Variants in CHD6 observed in about 807,000 individuals in gnomAD.
CHD6 encodes ATP-dependent chromatin remodeler CHD6.
In CHD6, 50 loss-of-function variants were observed where a neutral mutation model predicts 276.9. That is an observed-to-expected ratio of 0.18 (90% confidence interval 0.14 to 0.23). The LOEUF (loss-of-function observed/expected upper bound fraction) is 0.23, where lower values mean the gene tolerates loss of function less well. CHD6 is among the 10% of genes least tolerant of loss of function. CHD6 has a pLI of 1.00. For missense variants in CHD6, 2,564 were observed against 3,365.8 expected (o/e 0.76, Z 5.89); for synonymous variants, 1,173 against 1,229.3 (o/e 0.95, Z 0.96).
intron 16 of CHD6, among the ~76,000 whole-genome samples, chr20:41,475,942 A>G (rs1294203606): frequency 6.6e-6 from 1 of 152,174 alleles, no homozygotes; most frequent in Non-Finnish European, 1.5e-5. Flanking sequence ...AACAAGATGA[A>G]TGGAATAATT....
intron 26 of CHD6, 127 bp downstream of exon 26, chr20:41,439,873 A>C (rs921280324): frequency 5.7e-6 from 5 of 884,940 alleles, no homozygotes; most frequent in Non-Finnish European, 8.7e-6. Flanking sequence ...AAACAGCGGC[A>C]GTGTGGCAAG....
chr20:41,603,823 C>G (rs944541090), intron 1 of CHD6, among the ~76,000 whole-genome samples: 1 of 152,152 alleles, frequency 6.6e-6, no homozygotes, highest in African/African-American at 2.4e-5. Context: ...GAGCCGAAAT[C>G]GTGCCACTGC....
rs138488193 is a variant in CHD6 at position 41,443,964 on chromosome 20, G to A, written c.3877+1701C>T. The stretch of plus-strand genomic sequence containing the variant: ...GTGGGGGAGGAAGAAGTAGCAGCAT[G>A]TAAATTCTACCTGCCATACTTCTGG... On this transcript the variant is annotated intron_variant, in intron 25 of 36. Transcript: ENST00000373233. Among the ~76,000 whole-genome samples the A allele has an allele frequency of 1.3e-3, 202 of 152,282 alleles. 1 individual carries two copies. The highest frequency in any genetic ancestry group is 4.7e-3 in the African/African-American group (197 of 41,558).
At chr20:41,529,891 C>T (rs931437693) in intron 3 of CHD6, among the ~76,000 whole-genome samples, 25 of 152,148 alleles carry the variant, frequency 1.6e-4, no homozygotes, top group African/African-American at 5.3e-4. Flanking sequence ...TGAGGGAATC[C>T]TATTTCCCTG....
intron 17 of CHD6, among the ~76,000 whole-genome samples, chr20:41,462,805 T>C (rs530172494): frequency 1.6e-3 from 242 of 152,366 alleles, no homozygotes; most frequent in African/African-American, 5.4e-3. Context: ...CATATGCATA[T>C]TTATAGTCTC....
intron 1 of CHD6, among the ~76,000 whole-genome samples, chr20:41,577,618 C>T (rs1244143761): frequency 1.3e-5 from 2 of 152,218 alleles, no homozygotes; most frequent in Non-Finnish European, 2.9e-5. Flanking sequence ...ACACACTACA[C>T]ATATGTGTAA....
chr20:41,501,406 G>A (rs2043826904), intron 5 of CHD6, among the ~76,000 whole-genome samples: 1 of 152,086 alleles, frequency 6.6e-6, no homozygotes, highest in East Asian at 1.9e-4. Flanking sequence ...AAAATCCTGT[G>A]CCCTCACTGT....
chr20:41,426,251 A>G, intron 27 of CHD6, 98 bp from the exon 28 acceptor site: 1 of 845,266 alleles, frequency 1.2e-6, no homozygotes, highest in East Asian at 2.4e-5. Flanking sequence ...CACGCATAAG[A>G]GCTGTCCCCT....
intron 11 of CHD6, 100 bp downstream of exon 11, chr20:41,491,598 G>C: frequency 7.5e-7 from 1 of 1,334,640 alleles, no homozygotes; most frequent in Non-Finnish European, 1.1e-6. Context: ...TGGCCATGCT[G>C]CTCCCTCTCA....
chr20:41,447,839 G>A, intron 24 of CHD6, 43 bp downstream of exon 24: 1 of 1,437,724 alleles, frequency 7.0e-7, no homozygotes, highest in South Asian at 1.2e-5. Flanking sequence ...GGCATTTTAT[G>A]TCAATTCTTT....
In CHD6 at chr20:41,560,053, G is replaced by A. The variant is rs369870253; in HGVS notation, c.-23-8693C>T. On this transcript the variant is annotated intron_variant, in intron 1 of 36. Coordinates refer to ENST00000373233, the MANE Select transcript of CHD6 (RefSeq NM_032221.5). ...CCTTGGTTCCTCTCCAGTCGACTCC[G>A]GTTTATTCCCATATATTTTTGTTGT... 1.5e-3 allele frequency among the ~76,000 whole-genome samples: 223 copies of A among 151,964 alleles called. 2 individuals are homozygous for A. The highest frequency in any genetic ancestry group is 5.2e-3 in the African/African-American group (217 of 41,442).
At chr20:41,523,921 A>G (rs1345097094) in intron 3 of CHD6, among the ~76,000 whole-genome samples, 1 of 152,208 alleles carries the variant, frequency 6.6e-6, no homozygotes, top group African/African-American at 2.4e-5. Flanking sequence ...ATTCAAAATG[A>G]TTCATCTTCT....
At chr20:41,434,771 T>C (rs2047654992) in intron 27 of CHD6, among the ~76,000 whole-genome samples, 1 of 152,214 alleles carries the variant, frequency 6.6e-6, no homozygotes, top group Admixed American at 6.5e-5. Context: ...TCCACAATTA[T>C]AGTTGGAGGC....
rs994586033 is a variant in CHD6, at chr20:41,421,340, T to C, written c.5295A>G (p.Glu1765=). ...ASGPTFMGSL[E]AGGVAQANIK... is the part of the protein sequence containing the mutation. ...TGTTTGCTTGAGCTACTCCTCCTGC[T>C]TCTAAGCTACCCATAAAAGTAGGGC... Residue 1765 remains glutamate, a synonymous_variant, in exon 31 of 37, where the codon GAA becomes GAG. Transcript: ENST00000373233. The C allele has an allele frequency of 1.1e-5, 18 of 1,613,998 alleles. No individual in the cohort carries two copies. The African/African-American group carries it at 2.4e-4, about 22-fold the overall frequency.
At chr20:41,513,763 A>G (rs1214377377) in intron 4 of CHD6, among the ~76,000 whole-genome samples, 2 of 152,162 alleles carry the variant, frequency 1.3e-5, no homozygotes, top group Non-Finnish European at 2.9e-5. Context: ...AAATATTTAA[A>G]TCTTAAAAAA....
At chr20:41,516,259 G>A (rs1172666298) in intron 3 of CHD6, among the ~76,000 whole-genome samples, 1 of 151,906 alleles carries the variant, frequency 6.6e-6, no homozygotes, top group East Asian at 1.9e-4. Context: ...TACCTCCCAC[G>A]TTTAATTCTC....
chr20:41,587,616 C>A (rs538446443), intron 1 of CHD6, among the ~76,000 whole-genome samples: 1 of 152,314 alleles, frequency 6.6e-6, no homozygotes, highest in Admixed American at 6.5e-5. Flanking sequence ...AAAGTTCTCT[C>A]TGGTAAGTGG....
rs1353615351 is a variant in CHD6 at position 41,403,787 on chromosome 20, G to T, written c.*806C>A. On this transcript the variant is annotated 3_prime_UTR_variant, in exon 37 of 37. Transcript: ENST00000373233. Reference sequence around the variant, plus strand: ...CAGGTGAGAGCAGAGCGCTAGCCGTGTGCTTGTGAAGCAGCGTGTAGCTCT... The same window carrying T: ...CAGGTGAGAGCAGAGCGCTAGCCGTTTGCTTGTGAAGCAGCGTGTAGCTCT... 1.0e-5 allele frequency: 11 copies of T among 1,058,416 alleles called. No individual in the cohort carries two copies. Among genetic ancestry groups the T allele is most frequent in the Non-Finnish European group, 1.3e-5 (11 of 875,096 alleles). 65.6% of individuals were successfully genotyped at this position (1,058,416 alleles called of 1,614,324 possible).
At chr20:41,521,228 C>T (rs1376966783) in intron 3 of CHD6, among the ~76,000 whole-genome samples, 1 of 152,198 alleles carries the variant, frequency 6.6e-6, no homozygotes, top group Non-Finnish European at 1.5e-5. Flanking sequence ...GAGAATAAAA[C>T]CCCTTCCATT....
Sources: gnomAD v4.1 joint callset for allele counts (sites outside exome capture counted in the v4.1 genomes callset) on GRCh38, gnomAD v4.1.1 for gene constraint, MANE v1.5 for transcripts, NCBI Gene and HGNC (gene_info 2026-07-23, HGNC 2026-07-21) for gene names.